Variants in FRMD5 observed in about 807,000 individuals in gnomAD.
The protein encoded by FRMD5 is FERM domain containing 5, also known as FERM domain-containing protein 5.
FRMD5 carries 20 observed loss-of-function variants against 69.0 expected under a neutral mutation model. That is an observed-to-expected ratio of 0.29 (90% CI 0.20 to 0.42). The LOEUF (loss-of-function observed/expected upper bound fraction) is 0.42, where lower values mean the gene tolerates loss of function less well. Among genes scored for constraint, FRMD5 ranks in the 10% least tolerant of loss-of-function variants. The pLI is 1.00. For missense variants in FRMD5, 595 were observed against 708.6 expected (o/e 0.84, Z 1.82); for synonymous variants, 271 against 260.1 (o/e 1.04, Z -0.40).
intron 1 of FRMD5, among the ~76,000 whole-genome samples, chr15:44,154,132 G>A (rs534553894): frequency 6.6e-6 from 1 of 152,174 alleles, no homozygotes; most frequent in East Asian, 1.9e-4. Context: ...GTCCAGCCTG[G>A]GCAACATGGC....
intron 1 of FRMD5, among the ~76,000 whole-genome samples, chr15:44,149,278 A>G (rs753984598): frequency 2.6e-5 from 4 of 152,168 alleles, no homozygotes; most frequent in Non-Finnish European, 5.9e-5. Context: ...AAACACACAA[A>G]AAGAAATAAG....
At chr15:43,937,499 G>C (rs1022701896) in intron 1 of FRMD5, among the ~76,000 whole-genome samples, 1 of 152,018 alleles carries the variant, frequency 6.6e-6, no homozygotes, top group African/African-American at 2.4e-5. Context: ...TTAGCTGGGC[G>C]TGATGGTACG....
At chr15:44,117,987 T>A (rs2140630281) in intron 1 of FRMD5, among the ~76,000 whole-genome samples, 1 of 147,788 alleles carries the variant, frequency 6.8e-6, no homozygotes, top group African/African-American at 2.6e-5. Context: ...TTCTTTCTTT[T>A]TTACTTTTTT....
At chr15:44,181,212 T>A (rs948626186) in intron 1 of FRMD5, among the ~76,000 whole-genome samples, 51 of 151,876 alleles carry the variant, frequency 3.4e-4, no homozygotes, top group Admixed American at 1.1e-3. Flanking sequence ...ATTTTTTTTT[T>A]TATTATTTTT....
chr15:44,039,492 T>C (rs1892090080), intron 1 of FRMD5, among the ~76,000 whole-genome samples: 1 of 152,186 alleles, frequency 6.6e-6, no homozygotes, highest in Non-Finnish European at 1.5e-5. Flanking sequence ...CAGCAATCTT[T>C]GCTGTTCTGC....
chr15:44,183,454 G>A (rs148482791), intron 1 of FRMD5, among the ~76,000 whole-genome samples: 2 of 152,192 alleles, frequency 1.3e-5, no homozygotes, highest in African/African-American at 4.8e-5. Context: ...ATCTGGCAAG[G>A]GCAAATGGGA....
chr15:44,155,390 C>T (rs2077511146), intron 1 of FRMD5, among the ~76,000 whole-genome samples: 1 of 151,868 alleles, frequency 6.6e-6, no homozygotes, highest in East Asian at 1.9e-4. Flanking sequence ...CGAGATCACA[C>T]CACTGCATTC....
At chr15:44,127,659 A>G (rs2077041840) in intron 1 of FRMD5, among the ~76,000 whole-genome samples, 1 of 152,052 alleles carries the variant, frequency 6.6e-6, no homozygotes. Flanking sequence ...GGATCACTTG[A>G]GCTCAGGAGT....
chr15:43,886,272 G>A (rs1166770129), intron 10 of FRMD5, among the ~76,000 whole-genome samples: 3 of 152,176 alleles, frequency 2.0e-5, no homozygotes, highest in Non-Finnish European at 4.4e-5. Flanking sequence ...GGTGGGGGCT[G>A]TCTTTCCTGT....
chr15:44,117,265 T>C (rs1049016721), intron 1 of FRMD5, among the ~76,000 whole-genome samples: 1 of 152,120 alleles, frequency 6.6e-6, no homozygotes, highest in East Asian at 1.9e-4. Flanking sequence ...ATCAAGAGAA[T>C]GAGTGGTAGA....
intron 13 of FRMD5, among the ~76,000 whole-genome samples, chr15:43,877,045 T>TG (rs2088381847): frequency 6.6e-6 from 1 of 152,196 alleles, no homozygotes; most frequent in Admixed American, 6.5e-5. Context: ...CCAGAGGCTT[T>TG]GGGCATATAG....
chr15:43,916,344 AC>A (rs2089387007), intron 4 of FRMD5, among the ~76,000 whole-genome samples: 1 of 152,204 alleles, frequency 6.6e-6, no homozygotes, highest in African/African-American at 2.4e-5. Flanking sequence ...GGGAAAGGGG[AC>A]AGAGGAGGAG....
intron 1 of FRMD5, among the ~76,000 whole-genome samples, chr15:43,938,837 T>C (rs1183741281): frequency 6.6e-6 from 1 of 152,182 alleles, no homozygotes; most frequent in Non-Finnish European, 1.5e-5. Flanking sequence ...TTTTTCTTAA[T>C]GACACCATGC....
intron 1 of FRMD5, among the ~76,000 whole-genome samples, chr15:43,925,148 G>A (rs1376718198): frequency 3.3e-5 from 5 of 151,994 alleles, no homozygotes; most frequent in African/African-American, 1.2e-4. Context: ...GGGATTACAG[G>A]CATGTGCCAC....
chr15:44,031,159 TAAA>T (rs1891664150), intron 1 of FRMD5, among the ~76,000 whole-genome samples: 1 of 151,874 alleles, frequency 6.6e-6, no homozygotes, highest in Non-Finnish European at 1.5e-5. Flanking sequence ...GCTTGGGTGA[TAAA>T]AATAATTAGA....
At chr15:43,930,024 C>T (rs998279227) in intron 1 of FRMD5, among the ~76,000 whole-genome samples, 1 of 152,270 alleles carries the variant, frequency 6.6e-6, no homozygotes, top group African/African-American at 2.4e-5. Context: ...GGTGCAGTCC[C>T]TGCCTCTATG....
chr15:44,016,982 C>T (rs1182722175), intron 1 of FRMD5, among the ~76,000 whole-genome samples: 2 of 151,992 alleles, frequency 1.3e-5, no homozygotes, highest in Non-Finnish European at 2.9e-5. Flanking sequence ...ATGTTGCAGG[C>T]TTGTCTTGAA....
intron 1 of FRMD5, among the ~76,000 whole-genome samples, chr15:44,024,035 C>T (rs758721136): frequency 6.6e-6 from 1 of 152,054 alleles, no homozygotes; most frequent in East Asian, 1.9e-4. Context: ...ATTGTGACTG[C>T]TATTACCATT....
In FRMD5 at chr15:44,017,675, G is replaced by A. The variant is rs565775000; in HGVS notation, c.103-93366C>T. 6.4e-4 allele frequency among the ~76,000 whole-genome samples: 95 copies of A among 148,386 alleles called. 1 individual carries two copies. The highest frequency in any genetic ancestry group is 6.4e-4 in the South Asian group (3 of 4,654). ...AGCCTGGAGTGCATGGTGCGATCTC[G>A]GCTCACTGCAAGCTCCGTCTCCCGG... On this transcript the variant is annotated intron_variant, in intron 1 of 13. Coordinates refer to ENST00000417257, the MANE Select transcript of FRMD5 (RefSeq NM_032892.5).
Sources: gnomAD v4.1 joint callset for allele counts (sites outside exome capture counted in the v4.1 genomes callset) on GRCh38, gnomAD v4.1.1 for gene constraint, MANE v1.5 for transcripts, NCBI Gene and HGNC (gene_info 2026-07-23, HGNC 2026-07-21) for gene names.